TXK: variants seen among roughly 807,000 people sequenced by gnomAD.
The protein encoded by TXK is TXK tyrosine kinase.
TXK carries 60 observed loss-of-function variants against 81.0 expected under a neutral mutation model. The observed-to-expected ratio is 0.74, with a 90% CI of 0.60 to 0.92. The LOEUF is 0.92. Ranked by LOEUF, TXK falls within the 40% of genes least tolerant of loss-of-function variation. The pLI, the probability that TXK is intolerant of heterozygous loss-of-function variation, is 0.00. For synonymous variants in TXK, 203 were observed against 210.7 expected (o/e 0.96, Z 0.32); for missense variants, 581 against 638.3 (o/e 0.91, Z 0.97).
chr4:48,120,320 A>T (rs1459931378), intron 1 of TXK, among the ~76,000 whole-genome samples: 2 of 149,528 alleles, frequency 1.3e-5, no homozygotes, highest in East Asian at 3.9e-4. Flanking sequence ...ATTAAAATAC[A>T]TATATACGTA....
chr4:48,090,921 G>T (rs1398398657), intron 8 of TXK, among the ~76,000 whole-genome samples: 1 of 152,262 alleles, frequency 6.6e-6, no homozygotes, highest in Non-Finnish European at 1.5e-5. Context: ...AATGCTGGAA[G>T]ACAGAAACGA....
chr4:48,133,507 G>C (rs548439197), intron 1 of TXK, among the ~76,000 whole-genome samples: 47 of 152,212 alleles, frequency 3.1e-4, no homozygotes, highest in African/African-American at 1.1e-3. Context: ...TCTTATTTTG[G>C]CCTTTACTCA....
At chr4:48,129,404 T>C (rs907372153) in intron 1 of TXK, among the ~76,000 whole-genome samples, 5 of 151,844 alleles carry the variant, frequency 3.3e-5, no homozygotes, top group South Asian at 4.2e-4. Flanking sequence ...TTTAGGGGAG[T>C]CACTGGTGAC....
chr4:48,097,902 C>A (rs1239107880), intron 6 of TXK, among the ~76,000 whole-genome samples: 1 of 151,624 alleles, frequency 6.6e-6, no homozygotes, highest in Non-Finnish European at 1.5e-5. Flanking sequence ...CGCCCGTCAC[C>A]ACGCCCAGCT....
intron 9 of TXK, 66 bp downstream of exon 9, chr4:48,089,684 A>C: frequency 1.5e-6 from 2 of 1,345,482 alleles, no homozygotes; most frequent in Non-Finnish European, 1.1e-6. Context: ...GAGCCACCGC[A>C]CCCAGCCAGG....
chr4:48,124,889 A>G (rs1719046958), intron 1 of TXK, among the ~76,000 whole-genome samples: 1 of 152,214 alleles, frequency 6.6e-6, no homozygotes, highest in South Asian at 2.1e-4. Context: ...CTTTAGTATC[A>G]GGCAGACATG....
At chr4:48,085,853 C>T (rs1234425543) in intron 10 of TXK, among the ~76,000 whole-genome samples, 1 of 152,164 alleles carries the variant, frequency 6.6e-6, no homozygotes, top group East Asian at 1.9e-4. Flanking sequence ...GAGCCATCTC[C>T]ATCACTCAAT....
chr4:48,080,270 GTTCA>G (rs1717247519), intron 10 of TXK, 142 bp from the exon 11 acceptor site: 1 of 695,166 alleles, frequency 1.4e-6, no homozygotes, highest in African/African-American at 1.8e-5. Context: ...AGAGGAAGTA[GTTCA>G]GTTTCCTTGC....
intron 14 of TXK, among the ~76,000 whole-genome samples, chr4:48,068,913 G>A (rs1716713294): frequency 8.9e-6 from 1 of 112,148 alleles, no homozygotes; most frequent in East Asian, 4.4e-4. Flanking sequence ...AAATTGTGGA[G>A]CTCTGTGAGG....
intron 1 of TXK, among the ~76,000 whole-genome samples, chr4:48,126,510 G>A (rs569309102): frequency 6.6e-6 from 1 of 152,168 alleles, no homozygotes; most frequent in Non-Finnish European, 1.5e-5. Context: ...TGTTTGTTTT[G>A]TTTTGTTTGA....
intron 5 of TXK, among the ~76,000 whole-genome samples, chr4:48,107,387 T>A (rs1244832539): frequency 6.9e-6 from 1 of 144,354 alleles, no homozygotes; most frequent in African/African-American, 2.6e-5. Flanking sequence ...TACCCCACCC[T>A]CCCCCCAAAA....
rs1363077125 is a variant in TXK, at chr4:48,071,528, A to G, written c.1504T>C (p.Cys502Arg). Residue 502 changes from cysteine (C) to arginine (R), a missense_variant, in exon 14 of 15, where the codon TGC becomes CGC. Transcript: ENST00000264316. ...TAACATATGCTTACCTCATGCCAGC[A>G]GCTGTACATGACTTCATATATGGAC... ...PMSIYEVMYS[C>R]WHEKPEGRPT... The G allele has an allele frequency of 6.2e-7, 1 of 1,613,370 alleles. No individual in the cohort carries two copies. Among genetic ancestry groups the G allele is most frequent in the Admixed American group, 1.7e-5 (1 of 59,834 alleles).
intron 1 of TXK, among the ~76,000 whole-genome samples, chr4:48,119,742 G>A (rs1202347221): frequency 1.3e-5 from 2 of 152,214 alleles, no homozygotes; most frequent in African/African-American, 2.4e-5. Context: ...CTGCTGGGAT[G>A]AGGAACCTGC....
At chr4:48,127,800 G>A (rs970109838) in intron 1 of TXK, among the ~76,000 whole-genome samples, 2 of 152,168 alleles carry the variant, frequency 1.3e-5, no homozygotes, top group Non-Finnish European at 2.9e-5. Flanking sequence ...CATGGGATAG[G>A]CAGTTGGCCC....
chr4:48,086,696 C>G, intron 9 of TXK, 59 bp from the exon 10 acceptor site: 1 of 1,505,188 alleles, frequency 6.6e-7, no homozygotes, highest in Non-Finnish European at 9.2e-7. Context: ...AATATTAGGG[C>G]TGGAAAATGT....
intron 1 of TXK, among the ~76,000 whole-genome samples, chr4:48,132,673 C>A (rs985756916): frequency 2.0e-5 from 3 of 152,064 alleles, no homozygotes; most frequent in African/African-American, 7.2e-5. Flanking sequence ...TGCTTGGCCG[C>A]GTGTGGTGGC....
chr4:48,099,131 G>A (rs1325347247), intron 6 of TXK, among the ~76,000 whole-genome samples: 3 of 152,082 alleles, frequency 2.0e-5, no homozygotes, highest in Non-Finnish European at 4.4e-5. Context: ...GGAAGCCCAA[G>A]AGAATCAACT....
intron 10 of TXK, 35 bp downstream of exon 10, chr4:48,086,431 G>C (rs1717532070): frequency 6.2e-7 from 1 of 1,606,466 alleles, no homozygotes; most frequent in African/African-American, 1.3e-5. Flanking sequence ...ACCAGGGCAT[G>C]GTATGATATT....
At chr4:48,129,629 ACCGCTCATCTGT>A (rs968667371) in intron 1 of TXK, among the ~76,000 whole-genome samples, 1 of 152,138 alleles carries the variant, frequency 6.6e-6, no homozygotes, top group Non-Finnish European at 1.5e-5. Context: ...CCTGATGATG[ACCGCTCATCTGT>A]TTCCCAGCTT....
Sources: gnomAD v4.1 joint callset for allele counts (sites outside exome capture counted in the v4.1 genomes callset) on GRCh38, gnomAD v4.1.1 for gene constraint, MANE v1.5 for transcripts, NCBI Gene and HGNC (gene_info 2026-07-23, HGNC 2026-07-21) for gene names.